PAK6: variants seen among roughly 807,000 people sequenced by gnomAD.
The protein encoded by PAK6 is p21 (RAC1) activated kinase 6.
In PAK6, 33 loss-of-function variants were observed where a neutral mutation model predicts 60.8. The observed-to-expected ratio is 0.54, with a 90% CI of 0.41 to 0.73. The LOEUF (loss-of-function observed/expected upper bound fraction) is 0.73, where lower values mean the gene tolerates loss of function less well. Ranked by LOEUF, PAK6 falls within the 30% of genes least tolerant of loss-of-function variation. The pLI, the probability that PAK6 is intolerant of heterozygous loss-of-function variation, is 0.00. For missense variants in PAK6, 845 were observed against 904.1 expected, an observed-to-expected ratio of 0.93 and a Z score of 0.84; for synonymous variants, 404 against 378.5, an observed-to-expected ratio of 1.07 and a Z score of -0.78.
At chr15:40,252,918 G>C in intron 2 of PAK6, 2 of 1,120,922 alleles carry the variant, frequency 1.8e-6, no homozygotes. Context: ...CAGCAGTGGG[G>C]CCTGCGAGCT....
chr15:40,264,474 A>C, intron 3 of PAK6: 1 of 526,190 alleles, frequency 1.9e-6, no homozygotes, highest in Non-Finnish European at 3.7e-6. Flanking sequence ...TGGGCTTTGG[A>C]TTTTATAAAA....
rs1421614294 is a variant in PAK6 at position 40,273,531 on chromosome 15, C to T, written c.1618-20C>T. ...TCCCACTTCCTCCTGATCCACCACTCACTCCCTTTTCAACCGCAGGTGAAG... is the reference window on the plus strand; with the variant it reads ...TCCCACTTCCTCCTGATCCACCACTTACTCCCTTTTCAACCGCAGGTGAAG... On this transcript the variant is annotated intron_variant, in intron 8 of 10. Transcript: ENST00000560346. 1.2e-6 allele frequency: 2 copies of T among 1,613,954 alleles called. No individual in the cohort carries two copies. Among genetic ancestry groups the T allele is most frequent in the East Asian group, 2.2e-5 (1 of 44,882 alleles).
At chr15:40,269,814 TGCA>T (rs956357091) in intron 5 of PAK6, among the ~76,000 whole-genome samples, 1 of 152,030 alleles carries the variant, frequency 6.6e-6, no homozygotes, top group Admixed American at 6.5e-5. Flanking sequence ...AGCCAGCACC[TGCA>T]GCAGCAGCAG....
In PAK6 at chr15:40,248,008, A is replaced by G. The variant is rs143346093; in HGVS notation, c.-117-5170A>G. ...CTGCTCCTCCATAGCCCTGTACCCC[A>G]ATGCTCTAGACTTCATTATTCCACC... On this transcript the variant is annotated intron_variant, in intron 2 of 10. Coordinates refer to ENST00000560346, the Ensembl canonical transcript of PAK6. Among the ~76,000 whole-genome samples the G allele has an allele frequency of 2.6e-5, 4 of 152,152 alleles. No homozygotes were observed. The East Asian group carries it at 7.7e-4, about 29-fold the overall frequency.
exon 11 of PAK6, chr15:40,276,441 G>A (rs2039456659): frequency 4.3e-6 from 1 of 232,868 alleles, no homozygotes; most frequent in Non-Finnish European, 8.3e-6. Flanking sequence ...GTCCACTAGT[G>A]TCCTAGGCCA....
exon 5 of PAK6, chr15:40,266,284 G>A: frequency 2.5e-6 from 4 of 1,611,632 alleles, no homozygotes; most frequent in Non-Finnish European, 3.4e-6. Context: ...AATAGGCATG[G>A]AATGAAGGCT....
exon 11 of PAK6, chr15:40,276,502 C>T: frequency 6.0e-6 from 1 of 167,940 alleles, no homozygotes. Flanking sequence ...TTCTCAGCTC[C>T]AGCTTCAAAC....
chr15:40,275,506 C>T (rs371184739), intron 10 of PAK6, among the ~76,000 whole-genome samples: 8 of 151,896 alleles, frequency 5.3e-5, no homozygotes, highest in East Asian at 1.9e-4. Context: ...GGCTGGTCTA[C>T]GAACTCCTGA....
chr15:40,276,788 G>GTGTGTGTT (rs2039468781), exon 11 of PAK6: 1 of 151,054 alleles, frequency 6.6e-6, no homozygotes, highest in Admixed American at 6.6e-5. Flanking sequence ...GTGTGTGTGT[G>GTGTGTGTT]TAAGGGGAGG....
intron 2 of PAK6, chr15:40,247,363 C>T (rs2306479): frequency 0.36 from 55,470 of 152,202 alleles, 10,980 homozygotes; most frequent in South Asian, 0.47. Flanking sequence ...GAATCCATCA[C>T]GTCTCTAAAA....
chr15:40,255,172 C>T lies in PAK6; in HGVS notation c.-6+1883C>T, dbSNP rs190207367. Among the ~76,000 whole-genome samples the T allele has an allele frequency of 5.9e-5, 9 of 152,340 alleles. No individual in the cohort carries two copies. The East Asian group carries it at 1.7e-3, about 29-fold the overall frequency. On this transcript the variant is annotated intron_variant, in intron 3 of 10. Coordinates refer to ENST00000560346, the Ensembl canonical transcript of PAK6. ...AGGACCCTATGCTAAGGACTCAGAC[C>T]TCTGTGTGCAGAGGCTGTTGAGAAT...
intron 2 of PAK6, chr15:40,250,610 T>A (rs1480379010): frequency 6.6e-6 from 1 of 152,168 alleles, no homozygotes; most frequent in Non-Finnish European, 1.5e-5. Flanking sequence ...ACTTGGCTAG[T>A]CGCCATTCTA....
chr15:40,273,903 G>T lies in PAK6; in HGVS notation c.1743+227G>T, dbSNP rs2039378938. Reference sequence around the variant, plus strand: ...CAGCTCAAGGGCAGAATGGGGTATGGCCGGGCCTCCTATGTATGATGGCCT... The same window carrying T: ...CAGCTCAAGGGCAGAATGGGGTATGTCCGGGCCTCCTATGTATGATGGCCT... On this transcript the variant is annotated intron_variant, in intron 9 of 10. Transcript: ENST00000560346. 5 of 670,140 alleles carry T rather than the reference G, an allele frequency of 7.5e-6. No homozygotes were observed. In the Admixed American group the frequency reaches 1.2e-4, roughly 15 times the overall value. The allele number at this position is 670,140 out of a possible 1,614,324, so 41.5% of individuals were successfully genotyped here. A position where few individuals can be genotyped will look rare whatever the true frequency, so the allele number is the denominator to read the frequency against.
At chr15:40,274,082 A>G in intron 9 of PAK6, 60 bp from the exon 10 acceptor site, 1 of 1,597,554 alleles carries the variant, frequency 6.3e-7, no homozygotes, top group East Asian at 2.2e-5. Context: ...CTGCCACCAG[A>G]ACGCAGCTAC....
chr15:40,270,919 G>T (rs777720281), intron 5 of PAK6, among the ~76,000 whole-genome samples: 4 of 152,162 alleles, frequency 2.6e-5, no homozygotes, highest in Non-Finnish European at 5.9e-5. Context: ...AGGGAGTGAG[G>T]GTTGCCAAAG....
chr15:40,262,659 G>A (rs2039013814), intron 3 of PAK6, among the ~76,000 whole-genome samples: 1 of 152,210 alleles, frequency 6.6e-6, no homozygotes. Flanking sequence ...GTAAGTCTGA[G>A]CAGAAAGTGG....
At position 40,266,601 on chromosome 15, in the gene PAK6, T is replaced by C. The variant is rs528959848; in HGVS notation, c.858+106T>C. 16 of 1,169,492 alleles carry C rather than the reference T, an allele frequency of 1.4e-5. No individual in the cohort carries two copies. The East Asian group carries it at 3.9e-4, about 29-fold the overall frequency. The allele number at this position is 1,169,492 out of a possible 1,614,324, so 72.4% of individuals were successfully genotyped here. A position where few individuals can be genotyped will look rare whatever the true frequency, so the allele number is the denominator to read the frequency against. On this transcript the variant is annotated intron_variant, in intron 5 of 10. Transcript: ENST00000560346. ...GGACTGGCAAAGAGGCTCCCTGGAC[T>C]GCTTCCGCCTAAGGCGGCAGAAATG...
intron 2 of PAK6, chr15:40,245,570 C>T (rs1462191823): frequency 6.6e-6 from 1 of 152,500 alleles, no homozygotes; most frequent in Non-Finnish European, 1.5e-5. Context: ...AGTCTCAGAT[C>T]AGCAAAGAGG....
intron 3 of PAK6, chr15:40,259,879 T>C (rs1000854681): frequency 2.0e-5 from 3 of 150,274 alleles, no homozygotes; most frequent in Non-Finnish European, 4.4e-5. Flanking sequence ...AAAGATAGAA[T>C]AGAAGGAGAT....
Sources: gnomAD v4.1 joint callset for allele counts (sites outside exome capture counted in the v4.1 genomes callset) on GRCh38, gnomAD v4.1.1 for gene constraint, MANE v1.5 for transcripts, NCBI Gene and HGNC (gene_info 2026-07-23, HGNC 2026-07-21) for gene names.